Variants in PARP8 observed in about 807,000 individuals in gnomAD.
PARP8 encodes poly(ADP-ribose) polymerase family member 8, also known as protein mono-ADP-ribosyltransferase PARP8.
A neutral mutation model predicts 124.1 loss-of-function variants in PARP8; 51 were observed. The observed-to-expected ratio is 0.41, with a 90% CI of 0.33 to 0.52. The LOEUF (loss-of-function observed/expected upper bound fraction) is 0.52, where lower values mean the gene tolerates loss of function less well. PARP8 is among the 20% of genes least tolerant of loss of function. The probability of loss-of-function intolerance (pLI) is 0.21; values close to 1 mark genes in which losing one functional copy is unlikely to be tolerated. For synonymous variants in PARP8, 391 were observed against 361.5 expected (o/e 1.08, Z -0.93); for missense variants, 860 against 1,018.9 (o/e 0.84, Z 2.12).
intron 25 of PARP8, among the ~76,000 whole-genome samples, chr5:50,840,242 T>G (rs1445719905): frequency 6.6e-6 from 1 of 151,968 alleles, no homozygotes; most frequent in East Asian, 1.9e-4. Flanking sequence ...CTTAATCACT[T>G]AAAATGCTGG....
chr5:50,834,875 G>A (rs1232666730), intron 24 of PARP8, 56 bp from the exon 25 acceptor site: 2 of 1,414,042 alleles, frequency 1.4e-6, no homozygotes, highest in East Asian at 2.3e-5. Context: ...AAGTCGGAAT[G>A]GACTAGGATT....
chr5:50,698,278 G>C (rs1433515527), intron 2 of PARP8, among the ~76,000 whole-genome samples: 1 of 152,204 alleles, frequency 6.6e-6, no homozygotes, highest in African/African-American at 2.4e-5. Context: ...TTATGTGTCT[G>C]CCACTCTGGC....
Position 50,794,841 on chromosome 5 carries a change from T to G in PARP8, c.864-12T>G. 1 of 1,605,464 alleles carries G rather than the reference T, an allele frequency of 6.2e-7. No homozygotes were observed. Among genetic ancestry groups the G allele is most frequent in the Non-Finnish European group, 8.5e-7 (1 of 1,174,740 alleles). The stretch of plus-strand genomic sequence containing the variant: ...TGATTTGCCCTGTAGTAATTGTTGT[T>G]CAATTTTGAAGGTCGCCAAGTTATC... On this transcript the variant is annotated splice_polypyrimidine_tract_variant and intron_variant, in intron 11 of 25. Transcript: ENST00000281631.
Position 50,727,172 on chromosome 5 carries a change from C to T in PARP8, c.147-22979C>T, listed in dbSNP as rs527921090. On this transcript the variant is annotated intron_variant, in intron 2 of 25. Coordinates refer to ENST00000281631, the MANE Select transcript of PARP8 (RefSeq NM_024615.4). ...ATTTTATCTTTAGTTTTCTACCTAT[C>T]AGTGGGCTGTAGTATTTTTATGACT... Among the ~76,000 whole-genome samples the T allele has an allele frequency of 1.1e-4, 17 of 152,204 alleles. No homozygotes were observed. In the South Asian group the frequency reaches 3.5e-3, roughly 32 times the overall value.
chr5:50,804,744 T>C (rs926775750), intron 14 of PARP8, among the ~76,000 whole-genome samples: 2 of 152,190 alleles, frequency 1.3e-5, no homozygotes, highest in African/African-American at 4.8e-5. Context: ...TTGATGAATC[T>C]GATTTTTCAG....
At chr5:50,712,130 A>G (rs1754821207) in intron 2 of PARP8, among the ~76,000 whole-genome samples, 1 of 152,184 alleles carries the variant, frequency 6.6e-6, no homozygotes, top group Admixed American at 6.5e-5. Context: ...GTGATTTGAA[A>G]TAGATCACAA....
chr5:50,743,323 C>T (rs1370018342), intron 2 of PARP8, among the ~76,000 whole-genome samples: 2 of 151,974 alleles, frequency 1.3e-5, no homozygotes, highest in Non-Finnish European at 2.9e-5. Flanking sequence ...GCTGATTGAC[C>T]TGCACAATTT....
chr5:50,768,643 A>G (rs1484463202), intron 7 of PARP8, among the ~76,000 whole-genome samples: 3 of 152,226 alleles, frequency 2.0e-5, no homozygotes, highest in Non-Finnish European at 4.4e-5. Context: ...CGAATACTGC[A>G]TTCAGGACAC....
chr5:50,739,727 TATATA>T lies in PARP8; in HGVS notation c.147-10423_147-10419del, dbSNP rs146735125. Among the ~76,000 whole-genome samples the T allele has an allele frequency of 1.5e-3, 156 of 100,780 alleles. 4 individuals carry two copies. The highest frequency in any genetic ancestry group is 5.5e-3 in the East Asian group (17 of 3,108). 66.1% of individuals were successfully genotyped at this position (100,780 alleles called of 152,430 possible). A position where few individuals can be genotyped will look rare whatever the true frequency, so the allele number is the denominator to read the frequency against. The stretch of plus-strand genomic sequence containing the variant: ...GTATATACATATATATATATATATA[TATATA>T]TTTTTTTTTTTTTTTTTTTTTGAGA... On this transcript the variant is annotated intron_variant, in intron 2 of 25. Transcript: ENST00000281631.
At chr5:50,766,332 T>C (rs1761057071) in intron 7 of PARP8, among the ~76,000 whole-genome samples, 1 of 152,234 alleles carries the variant, frequency 6.6e-6, no homozygotes, top group Non-Finnish European at 1.5e-5. Context: ...AAGTCTCATC[T>C]TGAATCATTC....
intron 2 of PARP8, among the ~76,000 whole-genome samples, chr5:50,741,252 G>A (rs1489608072): frequency 3.3e-5 from 5 of 152,074 alleles, no homozygotes; most frequent in Non-Finnish European, 7.4e-5. Flanking sequence ...ATTTAATCGA[G>A]GTGTTAGTGT....
At chr5:50,766,449 G>GA (rs1761069092) in intron 7 of PARP8, among the ~76,000 whole-genome samples, 1 of 152,130 alleles carries the variant, frequency 6.6e-6, no homozygotes, top group African/African-American at 2.4e-5. Context: ...AGTATTTTTA[G>GA]AAAGGGAATT....
chr5:50,713,907 G>A (rs1353403230), intron 2 of PARP8, among the ~76,000 whole-genome samples: 1 of 151,910 alleles, frequency 6.6e-6, no homozygotes, highest in Non-Finnish European at 1.5e-5. Context: ...CTAGAACCTG[G>A]AAATGAAAGG....
intron 2 of PARP8, among the ~76,000 whole-genome samples, chr5:50,710,252 T>TA (rs1754635720): frequency 6.6e-6 from 1 of 151,968 alleles, no homozygotes; most frequent in African/African-American, 2.4e-5. Context: ...TTTTTGCTGC[T>TA]GTTATCATAG....
At chr5:50,706,368 T>C (rs573658117) in intron 2 of PARP8, among the ~76,000 whole-genome samples, 88 of 152,226 alleles carry the variant, frequency 5.8e-4, no homozygotes, top group Middle Eastern at 3.4e-3. Flanking sequence ...GTTTTTGGGA[T>C]GTAGAAGTTT....
chr5:50,755,710 C>T (rs1337723724), intron 3 of PARP8, among the ~76,000 whole-genome samples: 1 of 152,120 alleles, frequency 6.6e-6, no homozygotes, highest in Non-Finnish European at 1.5e-5. Context: ...TTTTCCAATT[C>T]TGTGAAGAAA....
intron 15 of PARP8, among the ~76,000 whole-genome samples, chr5:50,815,901 A>T (rs1214212601): frequency 6.6e-6 from 1 of 152,208 alleles, no homozygotes; most frequent in African/African-American, 2.4e-5. Context: ...AAAAGATAAT[A>T]GGCAGAGTAT....
At chr5:50,734,792 G>A (rs1394641444) in intron 2 of PARP8, among the ~76,000 whole-genome samples, 3 of 152,046 alleles carry the variant, frequency 2.0e-5, no homozygotes, top group Non-Finnish European at 4.4e-5. Flanking sequence ...ACATAGAGAA[G>A]TGAATTTTTC....
At chr5:50,789,322 A>G (rs1163111930) in intron 10 of PARP8, among the ~76,000 whole-genome samples, 1 of 152,122 alleles carries the variant, frequency 6.6e-6, no homozygotes, top group East Asian at 1.9e-4. Flanking sequence ...TCTTAGAAGT[A>G]AATAGAGAAC....
Sources: allele counts gnomAD v4.1 joint callset (sites outside exome capture counted in the v4.1 genomes callset), GRCh38; gene constraint gnomAD v4.1.1; transcripts MANE v1.5; gene names NCBI Gene and HGNC (gene_info 2026-07-23, HGNC 2026-07-21).